Variants in SEMA3A observed in about 807,000 individuals in gnomAD.
SEMA3A encodes the protein semaphorin 3A, also known as semaphorin-3A.
A neutral mutation model predicts 97.9 loss-of-function variants in SEMA3A; 29 were observed. The ratio of observed to expected loss-of-function variants is 0.30; its 90% CI spans 0.22 to 0.40. The LOEUF (loss-of-function observed/expected upper bound fraction) is 0.40, where lower values mean the gene tolerates loss of function less well. SEMA3A is among the 10% of genes least tolerant of loss of function. The pLI is 1.00. For synonymous variants in SEMA3A, 321 were observed against 323.7 expected (o/e 0.99, Z 0.09); for missense variants, 763 against 951.3 (o/e 0.80, Z 2.60).
At chr7:84,428,729 A>G (rs1253556278) in intron 1 of SEMA3A, among the ~76,000 whole-genome samples, 5 of 152,086 alleles carry the variant, frequency 3.3e-5, no homozygotes, top group Non-Finnish European at 4.4e-5. Context: ...TGTATAATTT[A>G]TCAGTAAAAA....
intron 1 of SEMA3A, among the ~76,000 whole-genome samples, chr7:84,178,218 T>C (rs1288998522): frequency 6.6e-6 from 1 of 152,166 alleles, no homozygotes; most frequent in Non-Finnish European, 1.5e-5. Flanking sequence ...TCTTATCTAA[T>C]TCCTTTGTAA....
intron 12 of SEMA3A, among the ~76,000 whole-genome samples, chr7:84,001,425 A>C (rs567369882): frequency 2.0e-5 from 3 of 151,800 alleles, no homozygotes; most frequent in Non-Finnish European, 2.9e-5. Context: ...AAGCATGTAG[A>C]CTAGGAATCT....
intron 2 of SEMA3A, among the ~76,000 whole-genome samples, chr7:84,326,860 T>C (rs893010800): frequency 1.3e-5 from 2 of 152,086 alleles, no homozygotes; most frequent in African/African-American, 4.8e-5. Context: ...TGCAAGACTA[T>C]AAAAATCCTG....
intron 1 of SEMA3A, among the ~76,000 whole-genome samples, chr7:84,172,822 C>T (rs928224512): frequency 1.3e-5 from 2 of 152,206 alleles, no homozygotes; most frequent in Non-Finnish European, 2.9e-5. Context: ...CTATGATTTA[C>T]CAACCTCTCA....
chr7:84,080,461 A>G (rs1029282371), intron 4 of SEMA3A, among the ~76,000 whole-genome samples: 1 of 151,990 alleles, frequency 6.6e-6, no homozygotes, highest in Non-Finnish European at 1.5e-5. Flanking sequence ...TTATATTTTC[A>G]TTTGGAGAAA....
intron 4 of SEMA3A, among the ~76,000 whole-genome samples, chr7:84,062,559 C>A (rs190611809): frequency 1.3e-5 from 2 of 152,122 alleles, no homozygotes; most frequent in African/African-American, 4.8e-5. Context: ...TCAGTGGGTG[C>A]GCGCACCACG....
At chr7:84,453,341 A>G (rs1805609233) in intron 1 of SEMA3A, among the ~76,000 whole-genome samples, 1 of 149,122 alleles carries the variant, frequency 6.7e-6, no homozygotes, top group Non-Finnish European at 1.5e-5. Flanking sequence ...GGTTCACGCC[A>G]TTCTCCTGCC....
intron 1 of SEMA3A, among the ~76,000 whole-genome samples, chr7:84,469,186 T>C (rs1024251320): frequency 9.2e-5 from 14 of 152,172 alleles, no homozygotes; most frequent in African/African-American, 3.4e-4. Flanking sequence ...TGCTTATGCA[T>C]ATGAATAGCT....
intron 15 of SEMA3A, among the ~76,000 whole-genome samples, chr7:83,968,877 C>G (rs1334973975): frequency 7.7e-6 from 1 of 129,638 alleles, no homozygotes; most frequent in East Asian, 2.5e-4. Context: ...GTGGCACGAT[C>G]TCGGCTCACT....
chr7:83,988,681 A>G (rs62473903), intron 12 of SEMA3A, among the ~76,000 whole-genome samples: 18,415 of 152,030 alleles, frequency 0.12, 1,399 homozygotes, highest in Non-Finnish European at 0.17. Context: ...CAATTTTTAT[A>G]CCTTAAATGA....
At chr7:84,207,773 T>C (rs1421055382) in intron 3 of SEMA3A, among the ~76,000 whole-genome samples, 1 of 152,098 alleles carries the variant, frequency 6.6e-6, no homozygotes, top group Non-Finnish European at 1.5e-5. Context: ...TTCCTTTTCC[T>C]AGTAGGTTGG....
intron 1 of SEMA3A, among the ~76,000 whole-genome samples, chr7:84,383,144 G>A (rs1291072162): frequency 6.6e-6 from 1 of 152,028 alleles, no homozygotes; most frequent in Non-Finnish European, 1.5e-5. Context: ...CTTCTACATT[G>A]CAAGCTATTA....
chr7:84,106,680 A>C (rs1795117533), intron 4 of SEMA3A, among the ~76,000 whole-genome samples: 1 of 152,180 alleles, frequency 6.6e-6, no homozygotes. Flanking sequence ...TTAAATAAGA[A>C]AGTAAGCCCT....
chr7:84,076,866 T>C (rs977287728), intron 4 of SEMA3A, among the ~76,000 whole-genome samples: 1 of 152,120 alleles, frequency 6.6e-6, no homozygotes, highest in African/African-American at 2.4e-5. Context: ...TTTACCTGGG[T>C]TCCCCCAAAA....
intron 1 of SEMA3A, among the ~76,000 whole-genome samples, chr7:84,170,268 C>T (rs1797344960): frequency 6.6e-6 from 1 of 151,864 alleles, no homozygotes; most frequent in South Asian, 2.1e-4. Flanking sequence ...TTTATAAAAG[C>T]CTTAACATTT....
chr7:84,058,840 CA>C (rs1793100506), intron 5 of SEMA3A, among the ~76,000 whole-genome samples: 1 of 152,102 alleles, frequency 6.6e-6, no homozygotes, highest in Admixed American at 6.5e-5. Context: ...ATAGCTTTTT[CA>C]AAGATATTCA....
intron 5 of SEMA3A, among the ~76,000 whole-genome samples, chr7:84,046,654 C>G (rs1224796956): frequency 6.6e-6 from 1 of 151,436 alleles, no homozygotes; most frequent in Non-Finnish European, 1.5e-5. Flanking sequence ...TACTTATTCA[C>G]TGATTTAGTG....
At chr7:84,055,421 A>T (rs1000157567) in intron 5 of SEMA3A, among the ~76,000 whole-genome samples, 3 of 152,164 alleles carry the variant, frequency 2.0e-5, no homozygotes, top group African/African-American at 7.2e-5. Context: ...CCGTTTTTTA[A>T]GCCCGTCGGA....
intron 3 of SEMA3A, among the ~76,000 whole-genome samples, chr7:84,266,914 T>C (rs1000093925): frequency 6.6e-6 from 1 of 152,196 alleles, no homozygotes; most frequent in Non-Finnish European, 1.5e-5. Context: ...AGTGAAATAA[T>C]AGTCAAATTT....
Sources: allele counts gnomAD v4.1 joint callset (sites outside exome capture counted in the v4.1 genomes callset), GRCh38; gene constraint gnomAD v4.1.1; transcripts MANE v1.5; gene names NCBI Gene and HGNC (gene_info 2026-07-23, HGNC 2026-07-21).